The following H2AJ variants were observed in gnomAD, a reference collection of about 807,000 sequenced individuals.
H2AJ encodes H2A.J histone, also known as histone H2A.J.
H2AJ carries 3 observed loss-of-function variants against 7.9 expected under a neutral mutation model. The ratio of observed to expected loss-of-function variants is 0.38; its 90% confidence interval spans 0.17 to 0.98. The LOEUF (loss-of-function observed/expected upper bound fraction) is 0.98, where lower values mean the gene tolerates loss of function less well. Among genes scored for constraint, H2AJ ranks in the 50% least tolerant of loss-of-function variants. The pLI is 0.39. For synonymous variants in H2AJ, 98 were observed against 85.7 expected (o/e 1.14, Z -0.79); for missense variants, 128 against 174.4 (o/e 0.73, Z 1.50).
In H2AJ at chr12:14,774,884, T is replaced by C. The variant is rs1423669818; in HGVS notation, c.*24T>C. 4 of 1,606,458 alleles carry C rather than the reference T, an allele frequency of 2.5e-6. No individual in the cohort carries two copies. Among genetic ancestry groups the C allele is most frequent in the Non-Finnish European group, 3.4e-6 (4 of 1,176,370 alleles). On this transcript the variant is annotated 3_prime_UTR_variant, in exon 1 of 1. Transcript: ENST00000544848. ...GACCCTGACGCCGCCCTCAGGGAGC[T>C]GGCTCCCCCAGCAAAGGCCCTTTTC...
chr12:14,774,417 C>T lies in H2AJ; in HGVS notation c.-54C>T, dbSNP rs1464509311. On this transcript the variant is annotated 5_prime_UTR_variant, in exon 1 of 1. Transcript: ENST00000544848. ...GGTGCGGTACGTTGCATTCCGGTAC[C>T]GGACGCCGAGAGCGGTTTGTCTCCG... The T allele has an allele frequency of 3.9e-6, 6 of 1,521,380 alleles. No homozygotes were observed. The highest frequency in any genetic ancestry group is 3.9e-5 in the South Asian group (3 of 76,322). 94.2% of individuals were successfully genotyped at this position (1,521,380 alleles called of 1,614,324 possible).
At chr12:14,776,096 C>T (rs986609766), downstream of H2AJ, 1 of 167,118 alleles carries the variant, frequency 6.0e-6, no homozygotes, top group African/African-American at 2.4e-5. Flanking sequence ...GATTTCACAT[C>T]TTTGGATTCA....
rs767174375 is a variant in H2AJ, at chr12:14,774,904, C to G, written c.*44C>G. Reference sequence around the variant, plus strand: ...GGAGCTGGCTCCCCCAGCAAAGGCCCTTTTCATGGTCGTCCCGCAATGCTT... The same window carrying G: ...GGAGCTGGCTCCCCCAGCAAAGGCCGTTTTCATGGTCGTCCCGCAATGCTT... On this transcript the variant is annotated 3_prime_UTR_variant, in exon 1 of 1. Coordinates refer to ENST00000544848, the MANE Select transcript of H2AJ (RefSeq NM_177925.5). The G allele has an allele frequency of 1.9e-6, 3 of 1,588,366 alleles. No homozygotes were observed. The highest frequency in any genetic ancestry group is 1.7e-6 in the Non-Finnish European group (2 of 1,166,990).
chr12:14,777,163 A>G (rs1298793289), downstream of H2AJ: 1 of 167,000 alleles, frequency 6.0e-6, no homozygotes, highest in Non-Finnish European at 1.5e-5. Context: ...AGCTCAGCCC[A>G]TGATCCATGA....
chr12:14,774,904 C>CT lies in H2AJ; in HGVS notation c.*48dup, dbSNP rs1565666335. The CT allele has an allele frequency of 1.9e-6, 3 of 1,588,366 alleles. No individual in the cohort carries two copies. The East Asian group carries it at 6.7e-5, about 36-fold the overall frequency. ...GGAGCTGGCTCCCCCAGCAAAGGCC[C>CT]TTTTCATGGTCGTCCCGCAATGCTT... On this transcript the variant is annotated 3_prime_UTR_variant, in exon 1 of 1. Coordinates refer to ENST00000544848, the MANE Select transcript of H2AJ (RefSeq NM_177925.5).
At chr12:14,776,539 C>G (rs966860232), downstream of H2AJ, 5 of 167,028 alleles carry the variant, frequency 3.0e-5, no homozygotes, top group Admixed American at 2.6e-4. Flanking sequence ...GCTATTTACT[C>G]TGTGGTTTTG....
At position 14,774,668 on chromosome 12, in the gene H2AJ, G is replaced by C; in HGVS notation, c.198G>C (p.Leu66=). Residue 66 remains leucine (L), a synonymous_variant, in exon 1 of 1, where the codon CTG becomes CTC. Coordinates refer to ENST00000544848, the MANE Select transcript of H2AJ (RefSeq NM_177925.5). ...LEYLTAEILE[L]AGNAARDNKK... ...ACCTTACGGCGGAGATCCTGGAGCT[G>C]GCTGGCAACGCCGCGCGTGACAACA... 2 of 1,614,206 alleles carry C rather than the reference G, an allele frequency of 1.2e-6. No individual in the cohort carries two copies. The highest frequency in any genetic ancestry group is 2.2e-5 in the South Asian group (2 of 91,080).
chr12:14,777,106 A>G (rs1756462807), downstream of H2AJ: 1 of 166,760 alleles, frequency 6.0e-6, no homozygotes, highest in Non-Finnish European at 1.5e-5. Flanking sequence ...TTTTTTTTTA[A>G]CCCGAATAGT....
At chr12:14,777,407 T>C (rs1368808451), downstream of H2AJ, 1 of 167,050 alleles carries the variant, frequency 6.0e-6, no homozygotes, top group Non-Finnish European at 1.5e-5. Flanking sequence ...CCAGGATTTG[T>C]TTGATCTTTG....
chr12:14,775,435 C>A (rs889317192), downstream of H2AJ: 9 of 471,070 alleles, frequency 1.9e-5, no homozygotes, highest in African/African-American at 1.2e-4. Context: ...AAGGGTGGCT[C>A]TGATGGCACG....
Position 14,774,440 on chromosome 12 carries a change from C to A in H2AJ, c.-31C>A. 6.5e-7 allele frequency: 1 copy of A among 1,531,304 alleles called. No individual in the cohort carries two copies. The highest frequency in any genetic ancestry group is 8.8e-7 in the Non-Finnish European group (1 of 1,141,296). 94.9% of individuals were successfully genotyped at this position (1,531,304 alleles called of 1,614,324 possible). On this transcript the variant is annotated 5_prime_UTR_variant, in exon 1 of 1. Transcript: ENST00000544848. Reference sequence around the variant, plus strand: ...ACCGGACGCCGAGAGCGGTTTGTCTCCGTCTCTGGAGTTGTAGGCGAGAGG... The same window carrying A: ...ACCGGACGCCGAGAGCGGTTTGTCTACGTCTCTGGAGTTGTAGGCGAGAGG...
chr12:14,777,351 C>G (rs902889193), downstream of H2AJ: 1 of 167,040 alleles, frequency 6.0e-6, no homozygotes, highest in Non-Finnish European at 1.5e-5. Flanking sequence ...CACACACACT[C>G]TTTCCTGCAG....
At position 14,774,758 on chromosome 12, in the gene H2AJ, G is replaced by A. The variant is rs148571197; in HGVS notation, c.288G>A (p.Lys96=). 116 of 1,614,104 alleles carry A rather than the reference G, an allele frequency of 7.2e-5. No homozygotes were observed. Among genetic ancestry groups the A allele is most frequent in the Non-Finnish European group, 7.6e-5 (90 of 1,180,040 alleles). ...TCCGCAACGACGAGGAGTTAAACAA[G>A]CTGCTGGGCAAAGTGACCATCGCTC... ...LAIRNDEELN[K]LLGKVTIAQG... The change falls in exon 1 of 1, where the codon AAG becomes AAA. Residue 96 remains lysine, a synonymous_variant. Transcript: ENST00000544848.
chr12:14,774,736 G>A lies in H2AJ; in HGVS notation c.266G>A (p.Arg89His). The change falls in exon 1 of 1, where the codon CGC (arginine) becomes CAC (histidine). Residue 89 changes from arginine to histidine, a missense_variant. Transcript: ENST00000544848. ...CCCCGCCACCTGCAGCTCGCCATCC[G>A]CAACGACGAGGAGTTAAACAAGCTG... ...IIPRHLQLAI[R>H]NDEELNKLLG... 6.2e-7 allele frequency: 1 copy of A among 1,614,222 alleles called. No homozygotes were observed. Among genetic ancestry groups the A allele is most frequent in the Non-Finnish European group, 8.5e-7 (1 of 1,180,038 alleles).
At chr12:14,776,569 C>G (rs1245600125), downstream of H2AJ, 1 of 167,066 alleles carries the variant, frequency 6.0e-6, no homozygotes, top group Non-Finnish European at 1.5e-5. Flanking sequence ...AAAGTCATAA[C>G]ACCTGTTTTA....
chr12:14,774,497 C>G lies in H2AJ; in HGVS notation c.27C>G (p.Gly9=). The change falls in exon 1 of 1, where the codon GGC becomes GGG. Residue 9 remains glycine (G), a synonymous_variant. Coordinates refer to ENST00000544848, the MANE Select transcript of H2AJ (RefSeq NM_177925.5). MSGRGKQG[G]KVRAKAKSRS... ...TGTCCGGTCGCGGGAAACAGGGCGGCAAAGTGCGAGCAAAGGCCAAATCCC... is the reference window on the plus strand; with the variant it reads ...TGTCCGGTCGCGGGAAACAGGGCGGGAAAGTGCGAGCAAAGGCCAAATCCC... 5 of 1,587,510 alleles carry G rather than the reference C, an allele frequency of 3.1e-6. No homozygotes were observed. The highest frequency in any genetic ancestry group is 4.3e-6 in the Non-Finnish European group (5 of 1,168,168).
Position 14,774,854 on chromosome 12 carries a change from C to T in H2AJ, c.384C>T (p.Ser128=). The stretch of plus-strand genomic sequence containing the variant: ...AGACGGAGAGTCAGAAGACGAAGAG[C>T]AAATGACCCTGACGCCGCCCTCAGG... ...PKKTESQKTK[S]K is the part of the protein sequence containing the mutation. The change falls in exon 1 of 1, where the codon AGC becomes AGT. Residue 128 remains serine (S), a synonymous_variant. Coordinates refer to ENST00000544848, the MANE Select transcript of H2AJ (RefSeq NM_177925.5). The T allele has an allele frequency of 1.2e-6, 2 of 1,613,880 alleles. No homozygotes were observed. The highest frequency in any genetic ancestry group is 1.3e-5 in the African/African-American group (1 of 75,046).
chr12:14,777,964 A>G (rs975940425), downstream of H2AJ: 5 of 167,082 alleles, frequency 3.0e-5, no homozygotes, highest in African/African-American at 1.2e-4. Context: ...AATTCAATGT[A>G]TAACAGAAAA....
chr12:14,774,878 GGGAGCT>G lies in H2AJ; in HGVS notation c.*21_*26del, dbSNP rs1949611577. The G allele has an allele frequency of 6.2e-7, 1 of 1,610,066 alleles. No individual in the cohort carries two copies. The highest frequency in any genetic ancestry group is 8.5e-7 in the Non-Finnish European group (1 of 1,177,910). ...GCAAATGACCCTGACGCCGCCCTCA[GGGAGCT>G]GGCTCCCCCAGCAAAGGCCCTTTTC... On this transcript the variant is annotated 3_prime_UTR_variant, in exon 1 of 1. Transcript: ENST00000544848.
Sources: gnomAD v4.1 joint callset for allele counts on GRCh38, gnomAD v4.1.1 for gene constraint, MANE v1.5 for transcripts, NCBI Gene and HGNC (gene_info 2026-07-23, HGNC 2026-07-21) for gene names.